The following RPS6KA2 variants were observed in gnomAD, a reference collection of about 807,000 sequenced individuals.
RPS6KA2 encodes ribosomal protein S6 kinase alpha-2.
RPS6KA2 carries 42 observed loss-of-function variants against 91.8 expected under a neutral mutation model. The ratio of observed to expected loss-of-function variants is 0.46; its 90% CI spans 0.36 to 0.59. The LOEUF is 0.59. Among genes scored for constraint, RPS6KA2 ranks in the 20% least tolerant of loss-of-function variants. The probability of loss-of-function intolerance (pLI) is 0.00; values close to 1 mark genes in which losing one functional copy is unlikely to be tolerated. For synonymous variants in RPS6KA2, 414 were observed against 393.6 expected (o/e 1.05, Z -0.61); for missense variants, 798 against 978.5 (o/e 0.82, Z 2.46).
At chr6:166,462,547 C>A (rs111737687) in intron 11 of RPS6KA2, among the ~76,000 whole-genome samples, 16 of 152,304 alleles carry the variant, frequency 1.1e-4, no homozygotes, top group African/African-American at 3.4e-4. Context: ...AGTCAGGTCC[C>A]GGTTCCCTCC....
At chr6:166,675,325 G>C (rs1788587376) in intron 2 of RPS6KA2, among the ~76,000 whole-genome samples, 1 of 152,090 alleles carries the variant, frequency 6.6e-6, no homozygotes, top group Admixed American at 6.5e-5. Context: ...ACCTACCCCT[G>C]CTCCTTCAGT....
rs572940463 is a variant in RPS6KA2 at position 166,762,027 on chromosome 6, C to T, written c.123+96173G>A. Among the ~76,000 whole-genome samples, 386 of 152,328 alleles carry T rather than the reference C, an allele frequency of 2.5e-3. 2 individuals are homozygous for T. Among genetic ancestry groups the T allele is most frequent in the African/African-American group, 8.8e-3 (367 of 41,576 alleles). On this transcript the variant is annotated intron_variant, in intron 2 of 21. Transcript: ENST00000503859. The stretch of plus-strand genomic sequence containing the variant: ...TGCCTGTGACCTCATGGAAAAGAAG[C>T]CTTGCAGACAGGAGTGAGAAGCAGG...
intron 11 of RPS6KA2, 137 bp downstream of exon 11, chr6:166,469,704 T>TACA (rs1780684375): frequency 1.3e-6 from 1 of 795,204 alleles, no homozygotes; most frequent in African/African-American, 1.7e-5. Context: ...GCTCCCTGCC[T>TACA]GCAGGTGGCT....
rs918111125 is a variant in RPS6KA2 at position 166,494,523 on chromosome 6, G to A, written c.748-3782C>T. Among the ~76,000 whole-genome samples the A allele has an allele frequency of 6.6e-6, 1 of 152,224 alleles. No individual in the cohort carries two copies. The highest frequency in any genetic ancestry group is 1.5e-5 in the Non-Finnish European group (1 of 68,040). On this transcript the variant is annotated intron_variant, in intron 8 of 20. Coordinates refer to ENST00000265678, the MANE Select transcript of RPS6KA2 (RefSeq NM_021135.6). This position sits in a 1 kb window ranked among gnomAD's most constrained non-coding sequence, Gnocchi z 5.1. ...TCTCACGAAACCAGAGTGCTCAAGA[G>A]ATGCTTTAGATGTTTACAAAACAGC...
At chr6:166,525,407 G>A (rs1436678223) in intron 3 of RPS6KA2, among the ~76,000 whole-genome samples, 1 of 152,164 alleles carries the variant, frequency 6.6e-6, no homozygotes, top group South Asian at 2.1e-4. Context: ...GGTTGCAAGC[G>A]CACCCCAGCA....
At position 166,434,973 on chromosome 6, in the gene RPS6KA2, C is replaced by A. The variant is rs998195088; in HGVS notation, c.1333-2483G>T. On this transcript the variant is annotated intron_variant, in intron 14 of 20. Transcript: ENST00000265678. This position sits in a 1 kb window ranked among gnomAD's most constrained non-coding sequence, Gnocchi z 4.4. ...TTCCTGTGAGGAGGGGAACAGGGTG[C>A]CTGGGGGCCCATGGGTGGGAGGGAA... Among the ~76,000 whole-genome samples, 1 of 152,092 alleles carries A rather than the reference C, an allele frequency of 6.6e-6. No homozygotes were observed. Among genetic ancestry groups the A allele is most frequent in the Non-Finnish European group, 1.5e-5 (1 of 68,012 alleles).
At chr6:166,753,489 C>A (rs959932128) in intron 2 of RPS6KA2, among the ~76,000 whole-genome samples, 1 of 152,138 alleles carries the variant, frequency 6.6e-6, no homozygotes, top group Admixed American at 6.5e-5. Context: ...CTGTGTTGAC[C>A]TTTCTACATG....
intron 1 of RPS6KA2, among the ~76,000 whole-genome samples, chr6:166,610,544 CGAGGGCCATG>C (rs992057334): frequency 1.2e-4 from 18 of 152,288 alleles, no homozygotes; most frequent in African/African-American, 4.1e-4. Flanking sequence ...GTGTTTCTGC[CGAGGGCCATG>C]GAGGCCTCCA....
chr6:166,448,810 C>T lies in RPS6KA2; in HGVS notation c.1246G>A (p.Glu416Lys), dbSNP rs752872463. 21 of 1,613,730 alleles carry T rather than the reference C, an allele frequency of 1.3e-5. No homozygotes were observed. The Admixed American group carries it at 1.8e-4, about 14-fold the overall frequency. ...CCCACCCCGATGTCCTCCTTGATCTCGTAGCCATCGGTGAAGTGGATGTTG... is the reference window on the plus strand; with the variant it reads ...CCCACCCCGATGTCCTCCTTGATCTTGTAGCCATCGGTGAAGTGGATGTTG... ...GNNIHFTDGY[E>K]IKEDIGVGSY... The change falls in exon 14 of 21, where the codon GAG becomes AAG. Residue 416 changes from glutamate to lysine, a missense_variant. Coordinates refer to ENST00000265678, the MANE Select transcript of RPS6KA2 (RefSeq NM_021135.6). The surrounding 1 kb of genome is among the most constrained non-coding windows in gnomAD (Gnocchi z 4.7).
At chr6:166,521,525 G>A (rs1279424085) in intron 3 of RPS6KA2, among the ~76,000 whole-genome samples, 4 of 152,134 alleles carry the variant, frequency 2.6e-5, no homozygotes, top group Non-Finnish European at 4.4e-5. Context: ...TTCTCCTTTC[G>A]GAAAGAAAAT....
At position 166,783,072 on chromosome 6, in the gene RPS6KA2, T is replaced by G. The variant is rs930770248; in HGVS notation, c.123+75128A>C. 1.4e-3 allele frequency among the ~76,000 whole-genome samples: 198 copies of G among 145,474 alleles called. 1 individual carries two copies. The highest frequency in any genetic ancestry group is 4.8e-3 in the African/African-American group (191 of 39,864). ...GGTATTATTATTATTATTATTATTATTATTATTATTATTATTATTATTATT... is the reference window on the plus strand; with the variant it reads ...GGTATTATTATTATTATTATTATTAGTATTATTATTATTATTATTATTATT... On this transcript the variant is annotated intron_variant, in intron 2 of 21. Transcript: ENST00000503859.
chr6:166,497,378 A>C (rs1382340365), intron 8 of RPS6KA2, among the ~76,000 whole-genome samples: 5 of 152,250 alleles, frequency 3.3e-5, no homozygotes, highest in African/African-American at 4.8e-5. Context: ...CAGGGACGGA[A>C]GGGGCTTCCA....
intron 2 of RPS6KA2, among the ~76,000 whole-genome samples, chr6:166,710,596 G>A (rs4710084): frequency 0.57 from 85,988 of 151,768 alleles, 27,451 homozygotes; most frequent in South Asian, 0.82. Flanking sequence ...TATCTCTTTT[G>A]ATTACATCCT....
chr6:166,625,874 G>A (rs1786854149), intron 1 of RPS6KA2, among the ~76,000 whole-genome samples: 1 of 152,164 alleles, frequency 6.6e-6, no homozygotes, highest in Non-Finnish European at 1.5e-5. Flanking sequence ...TTTTAAACAA[G>A]TAATTCTCTT....
At chr6:166,513,878 G>A (rs1782552357) in intron 3 of RPS6KA2, among the ~76,000 whole-genome samples, 1 of 152,222 alleles carries the variant, frequency 6.6e-6, no homozygotes, top group Admixed American at 6.5e-5. Flanking sequence ...GGAGTTTAGA[G>A]ATTCTTTTCT....
intron 3 of RPS6KA2, among the ~76,000 whole-genome samples, chr6:166,518,470 G>A (rs1373127639): frequency 1.3e-5 from 2 of 151,696 alleles, no homozygotes; most frequent in Admixed American, 6.6e-5. Flanking sequence ...GCAGAAAAAA[G>A]GTCAAAAGCC....
intron 2 of RPS6KA2, among the ~76,000 whole-genome samples, chr6:166,832,602 C>T (rs1780216395): frequency 6.6e-6 from 1 of 152,218 alleles, no homozygotes; most frequent in Non-Finnish European, 1.5e-5. Flanking sequence ...AATAAACTTT[C>T]TGAATCCCTC....
rs952873405 is a variant in RPS6KA2, at chr6:166,774,603, A to G, written c.123+83597T>C. The stretch of plus-strand genomic sequence containing the variant: ...AGCCAGCCAGGGTTTATTTCCTGGC[A>G]CCAGAACTTAGGCAAGTCATTGGAC... On this transcript the variant is annotated intron_variant, in intron 2 of 21. Transcript: ENST00000503859. Among the ~76,000 whole-genome samples, 23 of 152,280 alleles carry G rather than the reference A, an allele frequency of 1.5e-4. No homozygotes were observed. The East Asian group carries it at 4.4e-3, about 29-fold the overall frequency.
intron 2 of RPS6KA2, among the ~76,000 whole-genome samples, chr6:166,811,297 T>G (rs984798611): frequency 6.6e-5 from 10 of 152,246 alleles, no homozygotes; most frequent in Non-Finnish European, 1.5e-4. Context: ...CCTGTTGGCC[T>G]CAGACAGAGC....
Sources: allele counts gnomAD v4.1 joint callset (sites outside exome capture counted in the v4.1 genomes callset), GRCh38; gene constraint gnomAD v4.1.1; non-coding constraint Gnocchi (gnomAD v3.1); transcripts MANE v1.5; gene names NCBI Gene and HGNC (gene_info 2026-07-23, HGNC 2026-07-21).